SLC6A9: variants seen among roughly 807,000 people sequenced by gnomAD.
The protein encoded by SLC6A9 is solute carrier family 6 member 9, also known as sodium- and chloride-dependent glycine transporter 1.
SLC6A9 carries 31 observed loss-of-function variants against 70.9 expected under a neutral mutation model. The ratio of observed to expected loss-of-function variants is 0.44; its 90% CI spans 0.33 to 0.59. SLC6A9 has a LOEUF of 0.59. Ranked by LOEUF, SLC6A9 falls within the 20% of genes least tolerant of loss-of-function variation. The probability of loss-of-function intolerance (pLI) is 0.04; values close to 1 mark genes in which losing one functional copy is unlikely to be tolerated. For synonymous variants in SLC6A9, 310 were observed against 341.3 expected, an observed-to-expected ratio of 0.91 and a Z score of 1.01; for missense variants, 631 against 845.2, an observed-to-expected ratio of 0.75 and a Z score of 3.14.
chr1:44,003,574 T>C (rs917268930), intron 5 of SLC6A9, among the ~76,000 whole-genome samples: 1 of 152,012 alleles, frequency 6.6e-6, no homozygotes, highest in African/African-American at 2.4e-5. Context: ...CTGGCCAATA[T>C]GGTGAAACCC....
rs1268374471 is a variant in SLC6A9 at position 44,002,227 on chromosome 1, C to T, written c.962+86G>A. 1.1e-5 allele frequency: 10 copies of T among 916,590 alleles called. No individual in the cohort carries two copies. Among genetic ancestry groups the T allele is most frequent in the East Asian group, 7.3e-5 (3 of 40,974 alleles). The allele number at this position is 916,590 out of a possible 1,614,324, so 56.8% of individuals were successfully genotyped here. A position where few individuals can be genotyped will look rare whatever the true frequency, so the allele number is the denominator to read the frequency against. On this transcript the variant is annotated intron_variant, in intron 8 of 13. Transcript: ENST00000372310. The surrounding 1 kb of genome is among the most constrained non-coding windows in gnomAD (Gnocchi z 5.5). Reference sequence around the variant, plus strand: ...AAGATCATGAGGGGAAAGGAGGCCTCGTGGGCCCATGGCTGCACTGGAGCT... The same window carrying T: ...AAGATCATGAGGGGAAAGGAGGCCTTGTGGGCCCATGGCTGCACTGGAGCT...
chr1:44,009,868 G>A (rs1281414189), intron 4 of SLC6A9, 97 bp downstream of exon 4: 5 of 1,428,556 alleles, frequency 3.5e-6, no homozygotes, highest in Admixed American at 3.8e-5. Context: ...GCTCTACAGA[G>A]GTCAGCCATG....
chr1:44,007,096 T>C (rs2086345689), intron 5 of SLC6A9, among the ~76,000 whole-genome samples: 1 of 152,322 alleles, frequency 6.6e-6, no homozygotes, highest in East Asian at 1.9e-4. Context: ...TTCTGGCCTC[T>C]GCTCACCTGC....
intron 1 of SLC6A9, among the ~76,000 whole-genome samples, chr1:44,026,336 T>C (rs2086982513): frequency 6.6e-6 from 1 of 152,146 alleles, no homozygotes. Context: ...ATGACAATGA[T>C]GATAGTAATA....
chr1:43,996,612 CT>C lies in SLC6A9; in HGVS notation c.*932del. On this transcript the variant is annotated 3_prime_UTR_variant, in exon 14 of 14. Transcript: ENST00000372310. Reference sequence around the variant, plus strand: ...AGAGGTGGCTTGGCCGGGGCTGTCACTGCACAGAGGACGGACAAATGAACAC... The same window carrying C: ...AGAGGTGGCTTGGCCGGGGCTGTCACGCACAGAGGACGGACAAATGAACAC... 1 of 167,562 alleles carries C rather than the reference CT, an allele frequency of 6.0e-6. No individual in the cohort carries two copies. Among genetic ancestry groups the C allele is most frequent in the Non-Finnish European group, 1.3e-5 (1 of 78,302 alleles). 10.4% of individuals were successfully genotyped at this position (167,562 alleles called of 1,614,324 possible).
intron 4 of SLC6A9, 52 bp from the exon 5 acceptor site, chr1:44,008,675 G>A (rs1298807357): frequency 2.8e-6 from 4 of 1,440,872 alleles, no homozygotes; most frequent in East Asian, 2.3e-5. Flanking sequence ...GCAGGAGGAG[G>A]TGAGGTTAAT....
chr1:44,026,090 C>T lies in SLC6A9; in HGVS notation c.-85-1728G>A, dbSNP rs1016267672. 1.3e-5 allele frequency among the ~76,000 whole-genome samples: 2 copies of T among 152,378 alleles called. 1 individual carries two copies. The highest frequency in any genetic ancestry group is 4.1e-4 in the South Asian group (2 of 4,832). ...CTGCCTGGTCTCCTGCAGAGCTTCT[C>T]TTCAGGGCAGGGTGGGGACAAGATG... On this transcript the variant is annotated intron_variant, in intron 1 of 13. Transcript: ENST00000372310.
Position 44,001,504 on chromosome 1 carries a change from G to A in SLC6A9, c.1086C>T (p.His362=), listed in dbSNP as rs778854185. 4.6e-5 allele frequency: 74 copies of A among 1,614,106 alleles called. No individual in the cohort carries two copies. In the African/African-American group the frequency reaches 7.2e-4, roughly 16 times the overall value. ...LGVDVSRVAD[H]GPGLAFVAYP... The stretch of plus-strand genomic sequence containing the variant: ...AAGCCACGAAGGCCAGGCCAGGGCC[G>A]TGGTCTGCCACACGGGACACATCCA... The change falls in exon 9 of 14, where the codon CAC becomes CAT. Residue 362 remains histidine (H), a synonymous_variant. Transcript: ENST00000372310.
Position 44,011,463 on chromosome 1 carries a change from G to A in SLC6A9, c.31-581C>T, listed in dbSNP as rs78632553. The A allele has an allele frequency of 2.0e-4, 201 of 997,418 alleles. No homozygotes were observed. In the African/African-American group the frequency reaches 2.7e-3, roughly 13 times the overall value. 61.8% of individuals were successfully genotyped at this position (997,418 alleles called of 1,614,324 possible). A position where few individuals can be genotyped will look rare whatever the true frequency, so the allele number is the denominator to read the frequency against. On this transcript the variant is annotated intron_variant, in intron 2 of 13. Coordinates refer to ENST00000372310, the MANE Select transcript of SLC6A9 (RefSeq NM_001024845.3). ...GGGGAAATGGGGGAGCAGCTGAGCC[G>A]GGACAGACATGGGGAGGGCATTCTG...
At chr1:43,998,318 G>T (rs991549583) in intron 12 of SLC6A9, among the ~76,000 whole-genome samples, 2 of 152,180 alleles carry the variant, frequency 1.3e-5, no homozygotes, top group South Asian at 4.1e-4. Context: ...AGTTCTGCTC[G>T]CTATGGCTCC....
At chr1:44,017,230 C>G in intron 2 of SLC6A9, 1 of 1,523,596 alleles carries the variant, frequency 6.6e-7, no homozygotes, top group African/African-American at 1.4e-5. Context: ...CATCTCCTCC[C>G]GAAGCTCTGC....
At chr1:44,011,535 C>A in intron 2 of SLC6A9, 1 of 1,610,140 alleles carries the variant, frequency 6.2e-7, no homozygotes, top group Non-Finnish European at 8.5e-7. Context: ...CTGCCCATGG[C>A]TGGGGAGGGG....
intron 4 of SLC6A9, among the ~76,000 whole-genome samples, chr1:44,008,864 C>G (rs572515770): frequency 6.6e-6 from 1 of 151,566 alleles, no homozygotes; most frequent in African/African-American, 2.4e-5. Flanking sequence ...GGACTACAGG[C>G]GCCCACCACC....
chr1:44,000,103 C>T (rs959546685), intron 12 of SLC6A9, among the ~76,000 whole-genome samples: 4 of 152,216 alleles, frequency 2.6e-5, no homozygotes, highest in East Asian at 1.9e-4. Context: ...TCAGTTTCCT[C>T]ATCTGTAAAG....
chr1:44,002,947 A>G lies in SLC6A9; in HGVS notation c.629T>C (p.Phe210Ser), dbSNP rs1204518047. 6.2e-7 allele frequency: 1 copy of G among 1,613,988 alleles called. No homozygotes were observed. The highest frequency in any genetic ancestry group is 1.7e-5 in the Admixed American group (1 of 60,022). Residue 210 changes from phenylalanine to serine, a missense_variant, in exon 6 of 14, where the codon TTT becomes TCT. Phe to Ser is a radical substitution (Grantham distance 155, BLOSUM62 -2). Transcript: ENST00000372310. This position sits in a 1 kb window ranked among gnomAD's most constrained non-coding sequence, Gnocchi z 5.5. ...VLKLSDDIGN[F>S]GEVRLPLLGC... is the part of the protein sequence containing the mutation. ...AAGGAGGGGCAGCCGCACCTCCCCA[A>G]AGTTCCCAATGTCATCTGACAGCTT...
intron 1 of SLC6A9, chr1:44,030,588 A>C (rs1215459798): frequency 6.6e-6 from 1 of 152,352 alleles, no homozygotes; most frequent in East Asian, 1.9e-4. Flanking sequence ...GAGGGCACGG[A>C]TTCTTCCCAG....
intron 4 of SLC6A9, 106 bp from the exon 5 acceptor site, chr1:44,008,729 G>A (rs1162680357): frequency 1.1e-6 from 1 of 880,366 alleles, no homozygotes; most frequent in Non-Finnish European, 1.7e-6. Flanking sequence ...TTTTTGAGAT[G>A]GAGTCTAGCT....
At chr1:44,027,632 A>G (rs1275271490) in intron 1 of SLC6A9, among the ~76,000 whole-genome samples, 1 of 152,272 alleles carries the variant, frequency 6.6e-6, no homozygotes, top group Non-Finnish European at 1.5e-5. Flanking sequence ...GCACTCCTGC[A>G]GCTTACAGAC....
intron 5 of SLC6A9, among the ~76,000 whole-genome samples, chr1:44,006,654 A>T (rs889180491): frequency 2.0e-5 from 3 of 152,068 alleles, no homozygotes; most frequent in African/African-American, 7.2e-5. Context: ...TTTTAAAAAG[A>T]AAATAAATGT....
Sources: allele counts gnomAD v4.1 joint callset (sites outside exome capture counted in the v4.1 genomes callset), GRCh38; gene constraint gnomAD v4.1.1; non-coding constraint Gnocchi (gnomAD v3.1); transcripts MANE v1.5; gene names NCBI Gene and HGNC (gene_info 2026-07-23, HGNC 2026-07-21).